Variants in KIF18A observed in about 807,000 individuals in gnomAD.
KIF18A encodes kinesin-like protein KIF18A.
A neutral mutation model predicts 103.3 loss-of-function variants in KIF18A; 67 were observed. That is an observed-to-expected ratio of 0.65 (90% confidence interval 0.53 to 0.79). The LOEUF is 0.79. Ranked by LOEUF, KIF18A falls within the 30% of genes least tolerant of loss-of-function variation. The pLI is 0.00. For missense variants in KIF18A, 1,032 were observed against 1,062.5 expected (o/e 0.97, Z 0.40); for synonymous variants, 367 against 355.5 (o/e 1.03, Z -0.36).
chr11:28,036,642 A>G lies in KIF18A; in HGVS notation c.1971T>C (p.Asn657=). 6.2e-7 allele frequency: 1 copy of G among 1,602,846 alleles called. No homozygotes were observed. The highest frequency in any genetic ancestry group is 8.5e-7 in the Non-Finnish European group (1 of 1,173,508). The change falls in exon 14 of 17, where the codon AAT becomes AAC. Residue 657 remains asparagine (N), a synonymous_variant. Transcript: ENST00000263181. ...TTTTTTCTGTAGGAATCTTAACCAG[A>G]TTAGTTCCACCTGAAGATGAGCCTA... ...IPCCSSSGGT[N]LVKIPTEKRT...
At chr11:28,081,373 G>T (rs1355716492) in intron 9 of KIF18A, among the ~76,000 whole-genome samples, 1 of 152,140 alleles carries the variant, frequency 6.6e-6, no homozygotes, top group East Asian at 1.9e-4. Context: ...TCTCTTGTCA[G>T]GGGCTTTTGC....
Position 28,082,933 on chromosome 11 carries a change from T to A in KIF18A, c.1185A>T (p.Glu395Asp). 1 of 1,599,638 alleles carries A rather than the reference T, an allele frequency of 6.3e-7. No individual in the cohort carries two copies. Among genetic ancestry groups the A allele is most frequent in the Non-Finnish European group, 8.5e-7 (1 of 1,172,212 alleles). Residue 395 changes from glutamate (E) to aspartate (D), a missense_variant, in exon 9 of 17, where the codon GAA becomes GAT. By Grantham distance (45) the Glu-to-Asp change is conservative. Coordinates refer to ENST00000263181, the MANE Select transcript of KIF18A (RefSeq NM_031217.4). Reference sequence around the variant, plus strand: ...TTTCATTAGTGAAGGCTTTCTGTTCTTCATAGGCTTTTAGTTTTTCTTTTA... The same window carrying A: ...TTTCATTAGTGAAGGCTTTCTGTTCATCATAGGCTTTTAGTTTTTCTTTTA... ...LLLKEKLKAYEEQKAFTNEND... is the reference protein window; with the variant it reads ...LLLKEKLKAYDEQKAFTNEND...
intron 10 of KIF18A, among the ~76,000 whole-genome samples, chr11:28,069,853 G>A (rs1850989157): frequency 1.3e-5 from 2 of 152,044 alleles, no homozygotes; most frequent in South Asian, 2.1e-4. Context: ...CTATTGTTCT[G>A]TGTTTGCCTA....
intron 6 of KIF18A, 118 bp downstream of exon 6, chr11:28,088,406 G>A (rs979147916): frequency 1.3e-6 from 1 of 790,774 alleles, no homozygotes; most frequent in Non-Finnish European, 2.1e-6. Flanking sequence ...TAACATTACT[G>A]ATATACCCTT....
At chr11:28,026,100 A>C (rs571602121) in intron 15 of KIF18A, among the ~76,000 whole-genome samples, 1 of 151,884 alleles carries the variant, frequency 6.6e-6, no homozygotes, top group Admixed American at 6.6e-5. Context: ...ATTATATTTA[A>C]ATATTTGATA....
chr11:28,094,604 T>C, intron 3 of KIF18A, 39 bp downstream of exon 3: 1 of 1,444,772 alleles, frequency 6.9e-7, no homozygotes, highest in Non-Finnish European at 9.6e-7. Flanking sequence ...ATGTCAATGA[T>C]TTCCCAAAAC....
chr11:28,043,452 A>C (rs932696360), intron 13 of KIF18A, among the ~76,000 whole-genome samples: 3 of 152,050 alleles, frequency 2.0e-5, no homozygotes, highest in African/African-American at 4.8e-5. Flanking sequence ...CAGAACTGGC[A>C]TACAAACTCA....
chr11:28,045,823 T>C (rs1850624581), intron 13 of KIF18A, among the ~76,000 whole-genome samples: 1 of 151,872 alleles, frequency 6.6e-6, no homozygotes, highest in Non-Finnish European at 1.5e-5. Context: ...ATATCCAGAA[T>C]CTACAATGAA....
intron 11 of KIF18A, among the ~76,000 whole-genome samples, chr11:28,064,580 A>G (rs919799587): frequency 1.3e-5 from 2 of 152,092 alleles, no homozygotes; most frequent in African/African-American, 4.8e-5. Context: ...GTGCTCATGT[A>G]CCCTAAAACT....
At chr11:28,065,230 C>T (rs1260259543) in intron 11 of KIF18A, among the ~76,000 whole-genome samples, 2 of 151,930 alleles carry the variant, frequency 1.3e-5, no homozygotes, top group African/African-American at 2.4e-5. Context: ...GTTGTGTGAC[C>T]TTGGATAAGT....
chr11:28,023,765 AG>A lies in KIF18A; in HGVS notation c.2589del (p.Leu864TyrfsTer17). On this transcript the variant is annotated frameshift_variant, in exon 16 of 17. Coordinates refer to ENST00000263181, the MANE Select transcript of KIF18A (RefSeq NM_031217.4). LOFTEE classifies it high-confidence loss of function. ...CCCATTGTTGGTTTGTTTTCTTGTA[AG>A]TGCTTCTCACTTGAATTATCTTGTC... ...RVRQDNSSEKHLQENKPTMEH... is the reference protein window; with the variant it reads ...RVRQDNSSEKXLQENKPTMEH... 1 of 1,610,292 alleles carries A rather than the reference AG, an allele frequency of 6.2e-7. No homozygotes were observed. The highest frequency in any genetic ancestry group is 1.1e-5 in the South Asian group (1 of 90,886).
rs557890384 is a variant in KIF18A, at chr11:28,042,502, C to CA, written c.1949-5839dup. Among the ~76,000 whole-genome samples, 33 of 151,874 alleles carry CA rather than the reference C, an allele frequency of 2.2e-4. No individual in the cohort carries two copies. The South Asian group carries it at 6.9e-3, about 32-fold the overall frequency. ...AGCATTCAGTTCTTTAAAAAGGAGC[C>CA]AATGCATTTTGATCCATGTTTAAGG... On this transcript the variant is annotated intron_variant, in intron 13 of 16. Transcript: ENST00000263181.
chr11:28,090,556 T>C, intron 5 of KIF18A, 61 bp downstream of exon 5: 2 of 941,952 alleles, frequency 2.1e-6, no homozygotes, highest in East Asian at 2.4e-5. Flanking sequence ...TGATGATTCA[T>C]GAATTTAGCT....
chr11:28,103,379 T>C lies in KIF18A; in HGVS notation c.-47+4685A>G, dbSNP rs371578992. Among the ~76,000 whole-genome samples the C allele has an allele frequency of 1.9e-4, 29 of 151,636 alleles. No homozygotes were observed. In the East Asian group the frequency reaches 2.5e-3, roughly 13 times the overall value. On this transcript the variant is annotated intron_variant, in intron 1 of 16. Transcript: ENST00000263181. Reference sequence around the variant, plus strand: ...TTCTGGTACCAAGCATTTTATATAATAGATACTAAACCTGAAGAAGAATAT... The same window carrying C: ...TTCTGGTACCAAGCATTTTATATAACAGATACTAAACCTGAAGAAGAATAT...
intron 13 of KIF18A, among the ~76,000 whole-genome samples, chr11:28,036,912 G>T (rs570376134): frequency 6.6e-6 from 1 of 151,232 alleles, no homozygotes; most frequent in Non-Finnish European, 1.5e-5. Context: ...TAATTTATAG[G>T]TATAGCTTTC....
intron 13 of KIF18A, among the ~76,000 whole-genome samples, chr11:28,039,356 A>C (rs1850531219): frequency 6.6e-6 from 1 of 151,804 alleles, no homozygotes; most frequent in South Asian, 2.1e-4. Flanking sequence ...GCTGATGATT[A>C]ATATAAACCA....
At chr11:28,047,569 T>C (rs1850653653) in intron 13 of KIF18A, among the ~76,000 whole-genome samples, 1 of 152,172 alleles carries the variant, frequency 6.6e-6, no homozygotes, top group Admixed American at 6.5e-5. Context: ...TATAATTTGT[T>C]GCTCACAGCA....
At chr11:28,035,591 T>A (rs1276033641) in intron 14 of KIF18A, 97 bp from the exon 15 acceptor site, 1 of 560,554 alleles carries the variant, frequency 1.8e-6, no homozygotes, top group Non-Finnish European at 2.9e-6. Flanking sequence ...AACCATTTGG[T>A]ATTAATATAT....
intron 6 of KIF18A, 96 bp downstream of exon 6, chr11:28,088,428 T>C (rs1282293629): frequency 2.0e-6 from 2 of 989,538 alleles, no homozygotes; most frequent in Non-Finnish European, 3.1e-6. Flanking sequence ...AAATGTGATA[T>C]ATATCAGACC....
Sources: gnomAD v4.1 joint callset for allele counts (sites outside exome capture counted in the v4.1 genomes callset) on GRCh38, gnomAD v4.1.1 for gene constraint, MANE v1.5 for transcripts, NCBI Gene and HGNC (gene_info 2026-07-23, HGNC 2026-07-21) for gene names.